Variants in SFSWAP observed in about 807,000 individuals in gnomAD.
SFSWAP encodes splicing factor SWAP.
Under a neutral mutation model 100.7 loss-of-function variants are expected in SFSWAP, and 17 were observed. The ratio of observed to expected loss-of-function variants is 0.17; its 90% CI spans 0.12 to 0.25. The LOEUF (loss-of-function observed/expected upper bound fraction) is 0.25, where lower values mean the gene tolerates loss of function less well. Ranked by LOEUF, SFSWAP falls within the 10% of genes least tolerant of loss-of-function variation. The pLI is 1.00. For synonymous variants in SFSWAP, 504 were observed against 510.1 expected, an observed-to-expected ratio of 0.99 and a Z score of 0.16; for missense variants, 1,005 against 1,262.6, an observed-to-expected ratio of 0.80 and a Z score of 3.09.
At chr12:131,792,282 C>T (rs1364362413) in intron 15 of SFSWAP, among the ~76,000 whole-genome samples, 1 of 149,468 alleles carries the variant, frequency 6.7e-6, no homozygotes, top group Non-Finnish European at 1.5e-5. Context: ...TGTGTGTATT[C>T]ACAGATCAGT....
chr12:131,738,773 C>G (rs1880288976), intron 7 of SFSWAP, among the ~76,000 whole-genome samples: 1 of 151,810 alleles, frequency 6.6e-6, no homozygotes. Flanking sequence ...TAGCAACTAC[C>G]TAGTATCCTG....
intron 13 of SFSWAP, among the ~76,000 whole-genome samples, chr12:131,768,078 C>T (rs1229607603): frequency 6.6e-6 from 1 of 152,238 alleles, no homozygotes; most frequent in African/African-American, 2.4e-5. Flanking sequence ...TTGACCCACG[C>T]GTGCTCGCCC....
chr12:131,755,339 T>G, intron 9 of SFSWAP, 47 bp from the exon 10 acceptor site: 2 of 1,348,434 alleles, frequency 1.5e-6, no homozygotes, highest in South Asian at 2.3e-5. Context: ...GTTACTTCAG[T>G]GAGCTTGTCT....
chr12:131,784,299 A>C (rs73160793), intron 14 of SFSWAP: 46,692 of 152,092 alleles, frequency 0.31, 8,808 homozygotes, highest in Non-Finnish European at 0.44. Flanking sequence ...CAGCCCCGGG[A>C]GCTGCTGGTA....
chr12:131,793,390 CTCTT>C (rs1289126427), intron 15 of SFSWAP, among the ~76,000 whole-genome samples: 1 of 152,130 alleles, frequency 6.6e-6, no homozygotes, highest in Non-Finnish European at 1.5e-5. Flanking sequence ...AGCCAGGAAA[CTCTT>C]TCCAACAAAA....
intron 9 of SFSWAP, 63 bp downstream of exon 9, chr12:131,754,562 TA>T: frequency 8.2e-7 from 1 of 1,213,570 alleles, no homozygotes; most frequent in Non-Finnish European, 1.1e-6. Context: ...AGCCTTTTTT[TA>T]AAAAAATGTA....
Position 131,714,545 on chromosome 12 carries a change from C to T in SFSWAP, c.389-277C>T, listed in dbSNP as rs1228144897. The T allele has an allele frequency of 1.5e-5, 7 of 482,230 alleles. No homozygotes were observed. The highest frequency in any genetic ancestry group is 1.5e-4 in the South Asian group (5 of 34,454). 29.9% of individuals were successfully genotyped at this position (482,230 alleles called of 1,614,324 possible). The stretch of plus-strand genomic sequence containing the variant: ...ATAAAATTGATGTTCTTGTCTTTGC[C>T]GTAACAGTCTTTAATACAGTTCTTA... On this transcript the variant is annotated intron_variant, in intron 2 of 17. Transcript: ENST00000261674. This position sits in a 1 kb window ranked among gnomAD's most constrained non-coding sequence, Gnocchi z 6.0.
chr12:131,742,720 A>G (rs1173201334), intron 7 of SFSWAP, among the ~76,000 whole-genome samples: 1 of 151,914 alleles, frequency 6.6e-6, no homozygotes, highest in African/African-American at 2.4e-5. Context: ...AAGTGATTTT[A>G]TTGTAAGTCT....
At position 131,727,065 on chromosome 12, in the gene SFSWAP, T is replaced by A. The variant is rs575424561; in HGVS notation, c.945+13T>A. ...AGAGCTGATGAAGGTTTTTATCTCA[T>A]TGTTGAACTATATTTTTATGCCACC... On this transcript the variant is annotated intron_variant, in intron 6 of 17. Coordinates refer to ENST00000261674, the MANE Select transcript of SFSWAP (RefSeq NM_004592.4). 8.4e-6 allele frequency: 12 copies of A among 1,436,562 alleles called. No individual in the cohort carries two copies. The highest frequency in any genetic ancestry group is 1.8e-5 in the Admixed American group (1 of 56,652). 89.0% of individuals were successfully genotyped at this position (1,436,562 alleles called of 1,614,324 possible).
chr12:131,720,441 G>A (rs140912790), intron 4 of SFSWAP, among the ~76,000 whole-genome samples: 187 of 152,332 alleles, frequency 1.2e-3, no homozygotes, highest in African/African-American at 4.2e-3. Flanking sequence ...TGGGAAGGTT[G>A]AAAATCTTTT....
At chr12:131,798,617 C>T (rs1305328396) in intron 16 of SFSWAP, among the ~76,000 whole-genome samples, 1 of 152,198 alleles carries the variant, frequency 6.6e-6, no homozygotes, top group Admixed American at 6.5e-5. Context: ...GGGGTGGGCG[C>T]GGCGGCTCAC....
At chr12:131,754,670 G>A (rs138777533) in intron 9 of SFSWAP, among the ~76,000 whole-genome samples, 171 bp downstream of exon 9, 133 of 103,524 alleles carry the variant, frequency 1.3e-3, no homozygotes, top group African/African-American at 4.8e-3. Flanking sequence ...GTCTTGCTCT[G>A]TCACCCAGGC....
chr12:131,714,848 G>A lies in SFSWAP; in HGVS notation c.415G>A (p.Ala139Thr). ...GGAAGAATACAAGCGATTGAGTGAA[G>A]CACTAGCAGAGGATGGGAGCTACAA... ...QEEEYKRLSE[A>T]LAEDGSYNAV... Residue 139 changes from alanine to threonine, a missense_variant, in exon 3 of 18, where the codon GCA becomes ACA. Physicochemically the swap from Ala to Thr is moderately conservative, Grantham distance 58. Transcript: ENST00000261674. The surrounding 1 kb of genome is among the most constrained non-coding windows in gnomAD (Gnocchi z 6.0). The A allele has an allele frequency of 6.2e-7, 1 of 1,613,856 alleles. No homozygotes were observed. The highest frequency in any genetic ancestry group is 2.2e-5 in the East Asian group (1 of 44,892).
chr12:131,769,688 G>A (rs932437973), intron 13 of SFSWAP, among the ~76,000 whole-genome samples: 2 of 152,000 alleles, frequency 1.3e-5, no homozygotes, highest in Non-Finnish European at 2.9e-5. Flanking sequence ...GTGCAGTGGC[G>A]CAGTCTTGGC....
At chr12:131,775,500 T>A (rs1318769636) in intron 13 of SFSWAP, among the ~76,000 whole-genome samples, 1 of 152,182 alleles carries the variant, frequency 6.6e-6, no homozygotes, top group African/African-American at 2.4e-5. Flanking sequence ...AGCTGATTTC[T>A]CTGGTGTCCA....
intron 14 of SFSWAP, chr12:131,784,784 G>A: frequency 3.8e-6 from 1 of 263,846 alleles, no homozygotes; most frequent in Non-Finnish European, 7.1e-6. Flanking sequence ...GTTCTAAGAT[G>A]GGCGTTTTCC....
At chr12:131,723,350 ACT>A (rs1161075538) in intron 4 of SFSWAP, 1 of 151,636 alleles carries the variant, frequency 6.6e-6, no homozygotes, top group African/African-American at 2.4e-5. Context: ...TGATTGTACG[ACT>A]CTCTGTGCAG....
Position 131,725,003 on chromosome 12 carries a change from G to A in SFSWAP, c.607-402G>A, listed in dbSNP as rs1878822810. On this transcript the variant is annotated intron_variant, in intron 4 of 17. Coordinates refer to ENST00000261674, the MANE Select transcript of SFSWAP (RefSeq NM_004592.4). The surrounding 1 kb of genome is among the most constrained non-coding windows in gnomAD (Gnocchi z 4.3). Reference sequence around the variant, plus strand: ...CCCCGCTAAGAAGAAGGAAAGAGCAGTGATTCTGGTTATTGAGAACCATGG... The same window carrying A: ...CCCCGCTAAGAAGAAGGAAAGAGCAATGATTCTGGTTATTGAGAACCATGG... Among the ~76,000 whole-genome samples, 1 of 152,220 alleles carries A rather than the reference G, an allele frequency of 6.6e-6. No homozygotes were observed. Among genetic ancestry groups the A allele is most frequent in the East Asian group, 1.9e-4 (1 of 5,192 alleles).
intron 14 of SFSWAP, 144 bp from the exon 15 acceptor site, chr12:131,786,319 C>A: frequency 1.1e-6 from 1 of 935,442 alleles, no homozygotes; most frequent in Non-Finnish European, 1.5e-6. Context: ...GGCAGGGGTT[C>A]TCTGAAGCCT....
Sources: gnomAD v4.1 joint callset for allele counts (sites outside exome capture counted in the v4.1 genomes callset) on GRCh38, gnomAD v4.1.1 for gene constraint, Gnocchi (gnomAD v3.1) non-coding constraint, MANE v1.5 for transcripts, NCBI Gene and HGNC (gene_info 2026-07-23, HGNC 2026-07-21) for gene names.